Variants in CTNNA2 observed in about 807,000 individuals in gnomAD.
CTNNA2 encodes the protein catenin alpha-2.
CTNNA2 carries 42 observed loss-of-function variants against 101.0 expected under a neutral mutation model. The ratio of observed to expected loss-of-function variants is 0.42; its 90% confidence interval spans 0.32 to 0.54. The LOEUF is 0.54. Ranked by LOEUF, CTNNA2 falls within the 20% of genes least tolerant of loss-of-function variation. The pLI is 0.14. For missense variants in CTNNA2, 871 were observed against 1,223.1 expected (o/e 0.71, Z 4.29); for synonymous variants, 450 against 456.4 (o/e 0.99, Z 0.18).
chr2:80,516,364 G>A (rs1229937024), intron 9 of CTNNA2, among the ~76,000 whole-genome samples: 1 of 152,148 alleles, frequency 6.6e-6, no homozygotes, highest in Admixed American at 6.5e-5. Flanking sequence ...TTTCCATGCG[G>A]TCCTTACCGT....
intron 7 of CTNNA2, chr2:80,298,643 G>T (rs910600779): frequency 6.6e-6 from 1 of 152,270 alleles, no homozygotes; most frequent in Admixed American, 6.5e-5. Flanking sequence ...TCATAAATGT[G>T]TTGTTGATGC....
At chr2:79,432,134 G>A (rs965674182) in intron 4 of CTNNA2, among the ~76,000 whole-genome samples, 8 of 152,136 alleles carry the variant, frequency 5.3e-5, no homozygotes, top group African/African-American at 1.4e-4. Context: ...CAGTAGCACA[G>A]GCTGGTTTGC....
Position 79,842,517 on chromosome 2 carries a change from T to C in CTNNA2, c.299-15496T>C, listed in dbSNP as rs756998016. On this transcript the variant is annotated intron_variant, in intron 3 of 18. Transcript: ENST00000402739. ...ATCATTGTTATCATCATCATCATCA[T>C]TGTCATCTCCACTCCCTTGTGTTAT... is the stretch of plus-strand genomic sequence containing the variant. 3.3e-5 allele frequency among the ~76,000 whole-genome samples: 5 copies of C among 152,192 alleles called. No homozygotes were observed. In the South Asian group the frequency reaches 6.2e-4, roughly 19 times the overall value.
chr2:79,860,548 T>G (rs112941671), intron 4 of CTNNA2, among the ~76,000 whole-genome samples: 1 of 147,130 alleles, frequency 6.8e-6, no homozygotes, highest in Non-Finnish European at 1.5e-5. Flanking sequence ...TAAGGGAAGT[T>G]TTTTTTTTTT....
At chr2:79,272,509 T>G (rs1437408298) in intron 2 of CTNNA2, among the ~76,000 whole-genome samples, 1 of 152,116 alleles carries the variant, frequency 6.6e-6, no homozygotes, top group African/African-American at 2.4e-5. Flanking sequence ...GATATTCTGT[T>G]AATATTACTT....
chr2:79,923,806 G>A (rs77242561), intron 7 of CTNNA2, among the ~76,000 whole-genome samples: 1,967 of 152,124 alleles, frequency 0.013, 110 homozygotes, highest in Admixed American at 0.098. Flanking sequence ...TATGGGATCC[G>A]CTTTTGTAGA....
chr2:79,859,355 A>T (rs941460633), intron 4 of CTNNA2, among the ~76,000 whole-genome samples: 1 of 152,172 alleles, frequency 6.6e-6, no homozygotes, highest in Non-Finnish European at 1.5e-5. Context: ...GTTCAGTAGG[A>T]GGAATCATCA....
chr2:80,353,302 T>C (rs1357153391), intron 7 of CTNNA2, among the ~76,000 whole-genome samples: 1 of 152,224 alleles, frequency 6.6e-6, no homozygotes, highest in South Asian at 2.1e-4. Flanking sequence ...AATATAAGAC[T>C]GGATACAACA....
chr2:80,209,191 T>C (rs1474612928), intron 7 of CTNNA2, among the ~76,000 whole-genome samples: 1 of 144,878 alleles, frequency 6.9e-6, no homozygotes, highest in East Asian at 2.0e-4. Flanking sequence ...TGTTTATTCT[T>C]TTTTTTTTTA....
chr2:79,603,552 C>G (rs183282943), intron 1 of CTNNA2, among the ~76,000 whole-genome samples: 2,614 of 151,542 alleles, frequency 0.017, 41 homozygotes, highest in Non-Finnish European at 0.024. Context: ...ATAATGGAAG[C>G]AATCTCATAA....
At chr2:79,317,434 T>C (rs1676523133) in intron 3 of CTNNA2, among the ~76,000 whole-genome samples, 1 of 152,026 alleles carries the variant, frequency 6.6e-6, no homozygotes, top group Admixed American at 6.6e-5. Context: ...TTGGGTTGGG[T>C]TATTTGATTT....
chr2:79,790,344 C>T lies in CTNNA2; in HGVS notation c.298+45762C>T, dbSNP rs184661490. Among the ~76,000 whole-genome samples the T allele has an allele frequency of 6.0e-5, 9 of 149,156 alleles. No individual in the cohort carries two copies. In the East Asian group the frequency reaches 1.4e-3, roughly 22 times the overall value. Reference sequence around the variant, plus strand: ...GGGAGGAGTTGACGATGTCAAAGGACGCAGAAAGGGTGAGTAAGGTAATAC... The same window carrying T: ...GGGAGGAGTTGACGATGTCAAAGGATGCAGAAAGGGTGAGTAAGGTAATAC... On this transcript the variant is annotated intron_variant, in intron 3 of 18. Coordinates refer to ENST00000402739, the MANE Select transcript of CTNNA2 (RefSeq NM_001282597.3).
At chr2:79,838,412 T>A (rs1338451065) in intron 3 of CTNNA2, among the ~76,000 whole-genome samples, 1 of 152,050 alleles carries the variant, frequency 6.6e-6, no homozygotes, top group Non-Finnish European at 1.5e-5. Flanking sequence ...ATGTTGTGTT[T>A]TCGAAAAATA....
chr2:79,359,493 G>A (rs887627472), intron 3 of CTNNA2, among the ~76,000 whole-genome samples: 2 of 152,122 alleles, frequency 1.3e-5, no homozygotes, highest in Non-Finnish European at 2.9e-5. Flanking sequence ...TGCCATAAAT[G>A]TGTCCTATGA....
intron 7 of CTNNA2, among the ~76,000 whole-genome samples, chr2:80,369,003 A>G (rs1216881361): frequency 1.3e-5 from 2 of 151,710 alleles, no homozygotes; most frequent in Non-Finnish European, 2.9e-5. Flanking sequence ...ACTTTTCTTG[A>G]ACCCTATGTC....
intron 2 of CTNNA2, 59 bp downstream of exon 2, chr2:79,651,717 G>A: frequency 1.0e-5 from 15 of 1,439,968 alleles, no homozygotes; most frequent in Non-Finnish European, 1.5e-5. Flanking sequence ...ATTATATCCT[G>A]ACTCTTGGAA....
At chr2:79,790,803 C>T (rs1037601181) in intron 3 of CTNNA2, among the ~76,000 whole-genome samples, 1 of 152,098 alleles carries the variant, frequency 6.6e-6, no homozygotes, top group Non-Finnish European at 1.5e-5. Context: ...TATTATTGAT[C>T]GTTACTTAGA....
At chr2:79,464,879 A>G (rs1333816569) in intron 4 of CTNNA2, among the ~76,000 whole-genome samples, 2 of 152,012 alleles carry the variant, frequency 1.3e-5, no homozygotes, top group Non-Finnish European at 2.9e-5. Flanking sequence ...GATTCTGGAT[A>G]ATAGCCCTTT....
chr2:79,956,189 A>C (rs1213903874), intron 7 of CTNNA2, among the ~76,000 whole-genome samples: 2 of 151,858 alleles, frequency 1.3e-5, no homozygotes, highest in African/African-American at 4.8e-5. Context: ...ATCCAAAGCA[A>C]CTCAACTTTT....
Sources: gnomAD v4.1 joint callset for allele counts (sites outside exome capture counted in the v4.1 genomes callset) on GRCh38, gnomAD v4.1.1 for gene constraint, MANE v1.5 for transcripts, NCBI Gene and HGNC (gene_info 2026-07-23, HGNC 2026-07-21) for gene names.